Variants in MAP1S observed in about 807,000 individuals in gnomAD.
MAP1S encodes the protein microtubule-associated protein 1S.
A neutral mutation model predicts 60.9 loss-of-function variants in MAP1S; 27 were observed. The observed-to-expected ratio is 0.44, with a 90% CI of 0.33 to 0.61. The LOEUF (loss-of-function observed/expected upper bound fraction) is 0.61. Among genes scored for constraint, MAP1S ranks in the 20% least tolerant of loss-of-function variants. The pLI, the probability that MAP1S is intolerant of heterozygous loss-of-function variation, is 0.03. For synonymous variants in MAP1S, 826 were observed against 694.2 expected, an observed-to-expected ratio of 1.19 and a Z score of -2.98; for missense variants, 1,608 against 1,486.6, an observed-to-expected ratio of 1.08 and a Z score of -1.34.
chr19:17,720,694 G>T (rs2080362819), intron 1 of MAP1S: 1 of 629,436 alleles, frequency 1.6e-6, no homozygotes, highest in Admixed American at 2.9e-5. Flanking sequence ...CGAGGAGGTG[G>T]AGATGGAGGA....
Position 17,719,687 on chromosome 19 carries a change from C to CCGGCGGGGTGGGGCGGCGG in MAP1S, c.118+74_118+92dup, listed in dbSNP as rs1458182550. The stretch of plus-strand genomic sequence containing the variant: ...CCCGTTCGCGCGTCTGGGCCCGGGG[C>CCGGCGGGGTGGGGCGGCGG]CGGCGGGGTGGGGCGGCGGCGGCGG... On this transcript the variant is annotated intron_variant, in intron 1 of 6. Transcript: ENST00000324096. 14 of 883,944 alleles carry CCGGCGGGGTGGGGCGGCGG rather than the reference C, an allele frequency of 1.6e-5. No homozygotes were observed. In the African/African-American group the frequency reaches 2.8e-4, roughly 17 times the overall value. The allele number at this position is 883,944 out of a possible 1,614,324, so 54.8% of individuals were successfully genotyped here.
Position 17,728,074 on chromosome 19 carries a change from G to C in MAP1S, c.2690G>C (p.Arg897Pro). The C allele has an allele frequency of 1.2e-6, 2 of 1,612,638 alleles. No homozygotes were observed. Among genetic ancestry groups the C allele is most frequent in the Non-Finnish European group, 1.7e-6 (2 of 1,179,882 alleles). Reference sequence around the variant, plus strand: ...CTTGCTGGTGGGGACCGTGCCAGCCGACCACTCAGTGCCCGGAGTGAGCCC... The same window carrying C: ...CTTGCTGGTGGGGACCGTGCCAGCCCACCACTCAGTGCCCGGAGTGAGCCC... The part of the protein sequence containing the change: ...KGLAGGDRAS[R>P]PLSARSEPSE... The change falls in exon 5 of 7, where the codon CGA (arginine) becomes CCA (proline). Residue 897 changes from arginine (R) to proline (P), a missense_variant. Around this residue, in one of 4 missense-constraint regions of MAP1S, gnomAD observed 1,167 missense variants for 961.4 expected, o/e 1.21. Coordinates refer to ENST00000324096, the MANE Select transcript of MAP1S (RefSeq NM_018174.6).
At chr19:17,719,681 C>T in intron 1 of MAP1S, 61 bp downstream of exon 1, 1 of 945,758 alleles carries the variant, frequency 1.1e-6, no homozygotes, top group Non-Finnish European at 1.3e-6. Context: ...GCGTCTGGGC[C>T]CGGGGCCGGC....
chr19:17,726,182 C>CGGTG lies in MAP1S; in HGVS notation c.800_803dup (p.Ser269TrpfsTer87). The CGGTG allele has an allele frequency of 1.2e-6, 2 of 1,612,654 alleles. No individual in the cohort carries two copies. Among genetic ancestry groups the CGGTG allele is most frequent in the Non-Finnish European group, 1.7e-6 (2 of 1,179,480 alleles). On this transcript the variant is annotated frameshift_variant, in exon 5 of 7. Transcript: ENST00000324096. LOFTEE classifies it high-confidence loss of function. ...TCAATGGCTTCACTGTGCTGGTCAA[C>CGGTG]GGTGGCTCAAACCCCAAGTCCAGTT...
At chr19:17,732,523 G>GC (rs1568296600) in intron 5 of MAP1S, among the ~76,000 whole-genome samples, 1 of 152,126 alleles carries the variant, frequency 6.6e-6, no homozygotes, top group Non-Finnish European at 1.5e-5. Context: ...TGTCTCATCC[G>GC]CATCCAGCAT....
intron 1 of MAP1S, chr19:17,720,285 A>G: frequency 7.0e-7 from 1 of 1,423,686 alleles, no homozygotes; most frequent in Non-Finnish European, 9.2e-7. Flanking sequence ...CTGGCGTTTC[A>G]TTGCATGTAA....
At position 17,727,385 on chromosome 19, in the gene MAP1S, C is replaced by A; in HGVS notation, c.2001C>A (p.Asp667Glu). Residue 667 changes from aspartate to glutamate, a missense_variant, in exon 5 of 7, where the codon GAC becomes GAA. Asp to Glu is a conservative substitution (Grantham distance 45, BLOSUM62 2). Coordinates refer to ENST00000324096, the MANE Select transcript of MAP1S (RefSeq NM_018174.6). The surrounding 1 kb of genome is among the most constrained non-coding windows in gnomAD (Gnocchi z 4.1). ...SPLRGGEAGP[D>E]ASPTVTTPTV... is the part of the protein sequence containing the mutation. ...TGCGGGGCGGGGAGGCCGGGCCAGA[C>A]GCCTCACCCACAGTGACCACACCCA... 1.3e-6 allele frequency: 2 copies of A among 1,592,856 alleles called. No homozygotes were observed. The highest frequency in any genetic ancestry group is 8.5e-7 in the Non-Finnish European group (1 of 1,171,074).
At chr19:17,722,935 ACT>A (rs1282557223) in intron 2 of MAP1S, among the ~76,000 whole-genome samples, 4 of 152,128 alleles carry the variant, frequency 2.6e-5, no homozygotes, top group African/African-American at 7.2e-5. Flanking sequence ...GCCTCTCAAG[ACT>A]CAGCCTTGTT....
rs1247135559 is a variant in MAP1S, at chr19:17,726,971, C to A, written c.1587C>A (p.Pro529=). Reference sequence around the variant, plus strand: ...CCCCCCGGGAGTTGAAGAAAGACCCCAAACCGAGTGTCTCCCGGACCCAGC... The same window carrying A: ...CCCCCCGGGAGTTGAAGAAAGACCCAAAACCGAGTGTCTCCCGGACCCAGC... ...AKTPRELKKD[P]KPSVSRTQPR... The change falls in exon 5 of 7, where the codon CCC becomes CCA. Residue 529 remains proline (P), a synonymous_variant. Coordinates refer to ENST00000324096, the MANE Select transcript of MAP1S (RefSeq NM_018174.6). The A allele has an allele frequency of 1.3e-5, 21 of 1,575,108 alleles. No individual in the cohort carries two copies. The highest frequency in any genetic ancestry group is 1.7e-5 in the Non-Finnish European group (20 of 1,161,152).
In MAP1S at chr19:17,727,527, G is replaced by C. The variant is rs746602774; in HGVS notation, c.2143G>C (p.Ala715Pro). 9.3e-6 allele frequency: 15 copies of C among 1,610,050 alleles called. No individual in the cohort carries two copies. In the African/African-American group the frequency reaches 1.9e-4, roughly 20 times the overall value. The change falls in exon 5 of 7, where the codon GCT becomes CCT. Residue 715 changes from alanine to proline, a missense_variant. Ala to Pro is a conservative substitution (Grantham distance 27). Coordinates refer to ENST00000324096, the MANE Select transcript of MAP1S (RefSeq NM_018174.6). This position sits in a 1 kb window ranked among gnomAD's most constrained non-coding sequence, Gnocchi z 4.1. ...VLPPSAPTSE[A>P]GLSLPLRGPR... Reference sequence around the variant, plus strand: ...GCCGCCATCCGCCCCCACCAGTGAGGCTGGGCTGAGCCTCCCGCTGCGTGG... The same window carrying C: ...GCCGCCATCCGCCCCCACCAGTGAGCCTGGGCTGAGCCTCCCGCTGCGTGG...
At position 17,726,819 on chromosome 19, in the gene MAP1S, C is replaced by T. The variant is rs772641832; in HGVS notation, c.1435C>T (p.Arg479Trp). 27 of 1,555,602 alleles carry T rather than the reference C, an allele frequency of 1.7e-5. No individual in the cohort carries two copies. Among genetic ancestry groups the T allele is most frequent in the East Asian group, 4.8e-5 (2 of 41,346 alleles). ...RAESKESVGS[R>W]DSSKREGLLA... ...CGAGAGCAAAGAGAGCGTGGGCTCC[C>T]GGGACAGCTCGAAGAGAGAGGGCCT... is the stretch of plus-strand genomic sequence containing the variant. The change falls in exon 5 of 7, where the codon CGG (arginine) becomes TGG (tryptophan). Residue 479 changes from arginine (R) to tryptophan (W), a missense_variant. Coordinates refer to ENST00000324096, the MANE Select transcript of MAP1S (RefSeq NM_018174.6).
In MAP1S at chr19:17,733,530, G is replaced by A. The variant is rs372396614; in HGVS notation, c.3024+102G>A. 1.3e-5 allele frequency: 12 copies of A among 943,172 alleles called. No individual in the cohort carries two copies. The East Asian group carries it at 2.5e-4, about 20-fold the overall frequency. 58.4% of individuals were successfully genotyped at this position (943,172 alleles called of 1,614,324 possible). On this transcript the variant is annotated intron_variant, in intron 6 of 6. Transcript: ENST00000324096. ...CTAAGCTGTGTTCCCCAGGCCACAC[G>A]GGAATGGGGGCGAATGTGGGAGTCT...
At position 17,725,778 on chromosome 19, in the gene MAP1S, C is replaced by G; in HGVS notation, c.445-51C>G. The G allele has an allele frequency of 6.5e-7, 1 of 1,546,662 alleles. No individual in the cohort carries two copies. The highest frequency in any genetic ancestry group is 8.8e-7 in the Non-Finnish European group (1 of 1,141,042). ...GTCCTCGCCCAGTTTTCCCACCGGG[C>G]TAGGTGTTGCCTGGCTCTAGGTGGT... On this transcript the variant is annotated intron_variant, in intron 4 of 6. Coordinates refer to ENST00000324096, the MANE Select transcript of MAP1S (RefSeq NM_018174.6). The surrounding 1 kb of genome is among the most constrained non-coding windows in gnomAD (Gnocchi z 4.2).
chr19:17,721,842 G>A (rs1425621505), intron 2 of MAP1S, among the ~76,000 whole-genome samples: 2 of 152,138 alleles, frequency 1.3e-5, no homozygotes, highest in Non-Finnish European at 2.9e-5. Context: ...GATCAAGAAG[G>A]GCCCAACTCA....
At chr19:17,730,301 C>T (rs1382943048) in intron 5 of MAP1S, among the ~76,000 whole-genome samples, 3 of 152,124 alleles carry the variant, frequency 2.0e-5, no homozygotes, top group African/African-American at 2.4e-5. Flanking sequence ...TATTCAATTC[C>T]TTTGCTCATT....
intron 3 of MAP1S, 130 bp downstream of exon 3, chr19:17,724,338 C>A: frequency 4.2e-6 from 3 of 714,436 alleles, no homozygotes; most frequent in Non-Finnish European, 4.8e-6. Context: ...CACTTCTTCG[C>A]CCACGAAGCC....
At chr19:17,733,477 G>A in intron 6 of MAP1S, 49 bp downstream of exon 6, 2 of 1,439,752 alleles carry the variant, frequency 1.4e-6, no homozygotes, top group Non-Finnish European at 1.9e-6. Context: ...TAGCACAGAT[G>A]GGTAAAACCA....
At position 17,733,281 on chromosome 19, in the gene MAP1S, C is replaced by A; in HGVS notation, c.2877C>A (p.Ser959Arg). ...TGGCCTACCTGCCCAGCGGGAGCAG[C>A]GCCCACCTGGTGGATGAGGAGTTCT... ...LDLAYLPSGS[S>R]AHLVDEEFFQ... The change falls in exon 6 of 7, where the codon AGC becomes AGA. Residue 959 changes from serine to arginine, a missense_variant. Physicochemically the swap from Ser to Arg is moderately radical, Grantham distance 110. Coordinates refer to ENST00000324096, the MANE Select transcript of MAP1S (RefSeq NM_018174.6). The A allele has an allele frequency of 6.4e-7, 1 of 1,573,768 alleles. No individual in the cohort carries two copies.
At position 17,726,932 on chromosome 19, in the gene MAP1S, G is replaced by C; in HGVS notation, c.1548G>C (p.Glu516Asp). The change falls in exon 5 of 7, where the codon GAG (glutamate) becomes GAC (aspartate). Residue 516 changes from glutamate to aspartate, a missense_variant. By Grantham distance (45) the Glu-to-Asp change is conservative (BLOSUM62 2). Transcript: ENST00000324096. ...GGGCTGAGGCCCCACGCAAGACTGA[G>C]AAAGAAGCCAAGACCCCCCGGGAGT... ...PARAEAPRKT[E>D]KEAKTPRELK... 1 of 1,569,988 alleles carries C rather than the reference G, an allele frequency of 6.4e-7. No individual in the cohort carries two copies. The highest frequency in any genetic ancestry group is 8.6e-7 in the Non-Finnish European group (1 of 1,158,278).
Sources: allele counts gnomAD v4.1 joint callset (sites outside exome capture counted in the v4.1 genomes callset), GRCh38; gene constraint gnomAD v4.1.1; regional missense constraint gnomAD v4.1.1; non-coding constraint Gnocchi (gnomAD v3.1); transcripts MANE v1.5; gene names NCBI Gene and HGNC (gene_info 2026-07-23, HGNC 2026-07-21).